The following ATP6V1C2 variants were observed in gnomAD, a reference collection of about 807,000 sequenced individuals.
The protein encoded by ATP6V1C2 is ATPase H+ transporting V1 subunit C2.
Under a neutral mutation model 56.8 loss-of-function variants are expected in ATP6V1C2, and 45 were observed. The observed-to-expected ratio is 0.79, with a 90% CI of 0.62 to 1.02. The LOEUF is 1.02. ATP6V1C2 is among the 50% of genes least tolerant of loss of function. ATP6V1C2 has a pLI of 0.00. For missense variants in ATP6V1C2, 463 were observed against 519.7 expected, an observed-to-expected ratio of 0.89 and a Z score of 1.06; for synonymous variants, 220 against 201.3, an observed-to-expected ratio of 1.09 and a Z score of -0.79.
chr2:10,744,674 T>TC (rs1276577367), intron 3 of ATP6V1C2, among the ~76,000 whole-genome samples: 4 of 137,070 alleles, frequency 2.9e-5, no homozygotes, highest in African/African-American at 5.2e-5. Context: ...TTTTTCTTTT[T>TC]TTTTTTTTTT....
chr2:10,733,774 C>T (rs956087444), intron 3 of ATP6V1C2, among the ~76,000 whole-genome samples: 12 of 152,226 alleles, frequency 7.9e-5, no homozygotes, highest in African/African-American at 2.9e-4. Flanking sequence ...GCAGGACCTT[C>T]TGGGTGCTGT....
intron 6 of ATP6V1C2, among the ~76,000 whole-genome samples, chr2:10,770,840 G>A (rs148844140): frequency 6.6e-5 from 10 of 152,306 alleles, no homozygotes; most frequent in African/African-American, 2.4e-4. Context: ...GTGCCCTCAG[G>A]CCCGATGCTA....
At chr2:10,750,755 A>T (rs73914829) in intron 3 of ATP6V1C2, among the ~76,000 whole-genome samples, 1 of 152,026 alleles carries the variant, frequency 6.6e-6, no homozygotes, top group Admixed American at 6.5e-5. Context: ...TCAAAATATT[A>T]TAGGGGATGT....
intron 3 of ATP6V1C2, among the ~76,000 whole-genome samples, chr2:10,733,665 A>T (rs1295354484): frequency 2.7e-5 from 4 of 150,672 alleles, no homozygotes; most frequent in Admixed American, 6.6e-5. Context: ...TCCCTGTTTT[A>T]AAAAAAAAGT....
intron 10 of ATP6V1C2, 29 bp downstream of exon 10, chr2:10,775,100 G>A (rs554823231): frequency 1.7e-5 from 26 of 1,568,718 alleles, no homozygotes; most frequent in South Asian, 1.2e-4. Context: ...AGCTCCTCCC[G>A]CCCCTACCCG....
chr2:10,755,531 C>T (rs1367134992), intron 4 of ATP6V1C2, among the ~76,000 whole-genome samples: 1 of 152,142 alleles, frequency 6.6e-6, no homozygotes, highest in African/African-American at 2.4e-5. Context: ...AAGTTGTTCC[C>T]CTTCATAAAT....
chr2:10,748,857 C>T lies in ATP6V1C2; in HGVS notation c.198-5124C>T, dbSNP rs529913905. On this transcript the variant is annotated intron_variant, in intron 3 of 13. Transcript: ENST00000272238. ...AAGAATGGAGTCTTCTGGCTGGACA[C>T]GGTGGCACATGCCTGTAATCCCAGC... 1.2e-3 allele frequency among the ~76,000 whole-genome samples: 180 copies of T among 152,134 alleles called. 1 individual carries two copies. The highest frequency in any genetic ancestry group is 4.3e-3 in the African/African-American group (177 of 41,498).
At chr2:10,759,607 G>A (rs1663776906) in intron 4 of ATP6V1C2, among the ~76,000 whole-genome samples, 1 of 152,154 alleles carries the variant, frequency 6.6e-6, no homozygotes. Context: ...CCAGGCTTTA[G>A]TGACTGCACC....
Position 10,754,001 on chromosome 2 carries a change from A to G in ATP6V1C2, c.218A>G (p.Gln73Arg). 1.2e-6 allele frequency: 2 copies of G among 1,607,392 alleles called. No homozygotes were observed. The highest frequency in any genetic ancestry group is 8.5e-7 in the Non-Finnish European group (1 of 1,176,266). Residue 73 changes from glutamine to arginine, a missense_variant, in exon 4 of 14, where the codon CAG becomes CGG. Coordinates refer to ENST00000272238, the MANE Select transcript of ATP6V1C2 (RefSeq NM_001039362.2). ...CAAAGCCTCATAAGGAGAATGGCTC[A>G]GAGCGTGGTGGAAGTCATGGAGGAC... ...FAESLIRRMA[Q>R]SVVEVMEDSK...
chr2:10,783,392 TAGTG>T lies in ATP6V1C2; in HGVS notation c.*131_*134del. 1.8e-6 allele frequency: 1 copy of T among 567,092 alleles called. No homozygotes were observed. The highest frequency in any genetic ancestry group is 2.6e-5 in the South Asian group (1 of 38,586). 35.1% of individuals were successfully genotyped at this position (567,092 alleles called of 1,614,324 possible). A position where few individuals can be genotyped will look rare whatever the true frequency, so the allele number is the denominator to read the frequency against. ...TTTCAGAGAAATTGCTCACAAAAGT[TAGTG>T]ACAGTTGTATTTATTTTTTTAAGTT... On this transcript the variant is annotated 3_prime_UTR_variant, in exon 14 of 14. Coordinates refer to ENST00000272238, the MANE Select transcript of ATP6V1C2 (RefSeq NM_001039362.2).
At chr2:10,758,265 T>C (rs1663669363) in intron 4 of ATP6V1C2, among the ~76,000 whole-genome samples, 1 of 152,256 alleles carries the variant, frequency 6.6e-6, no homozygotes, top group African/African-American at 2.4e-5. Flanking sequence ...GCTTATGTTT[T>C]ACGCAAAATT....
rs60355432 is a variant in ATP6V1C2, at chr2:10,730,607, G to GTT, written c.197+4055_197+4056dup. ...CCAAGTAGTTTGCTGTTCACAGTGG[G>GTT]TTTTTTTTTTTTTTTTTTGAAATGA... On this transcript the variant is annotated intron_variant, in intron 3 of 13. Coordinates refer to ENST00000272238, the MANE Select transcript of ATP6V1C2 (RefSeq NM_001039362.2). Among the ~76,000 whole-genome samples the GTT allele has an allele frequency of 2.3e-3, 272 of 118,682 alleles. 2 individuals are homozygous for GTT. Among genetic ancestry groups the GTT allele is most frequent in the Non-Finnish European group, 3.6e-3 (212 of 58,808 alleles). 77.9% of individuals were successfully genotyped at this position (118,682 alleles called of 152,430 possible). A position where few individuals can be genotyped will look rare whatever the true frequency, so the allele number is the denominator to read the frequency against.
At position 10,764,796 on chromosome 2, in the gene ATP6V1C2, C is replaced by G. The variant is rs945927882; in HGVS notation, c.378+371C>G. ...ACCAGTCTGTCCAATATGGTGAAAC[C>G]CTGTCTCTACTAAAAAATACAAAAA... is the stretch of plus-strand genomic sequence containing the variant. On this transcript the variant is annotated intron_variant, in intron 5 of 13. Coordinates refer to ENST00000272238, the MANE Select transcript of ATP6V1C2 (RefSeq NM_001039362.2). 2.6e-5 allele frequency among the ~76,000 whole-genome samples: 4 copies of G among 152,170 alleles called. No homozygotes were observed. The East Asian group carries it at 5.8e-4, about 22-fold the overall frequency.
At chr2:10,732,937 T>C (rs951099660) in intron 3 of ATP6V1C2, among the ~76,000 whole-genome samples, 4 of 148,988 alleles carry the variant, frequency 2.7e-5, no homozygotes, top group East Asian at 2.0e-4. Flanking sequence ...TGCCGCTGCA[T>C]TCCAGCCTGA....
At chr2:10,747,606 T>C (rs917878176) in intron 3 of ATP6V1C2, among the ~76,000 whole-genome samples, 2 of 152,132 alleles carry the variant, frequency 1.3e-5, no homozygotes, top group Non-Finnish European at 2.9e-5. Flanking sequence ...ATTTCTGTAG[T>C]CTCAGCTACT....
intron 3 of ATP6V1C2, among the ~76,000 whole-genome samples, chr2:10,738,876 C>T (rs921941805): frequency 1.3e-5 from 2 of 152,200 alleles, no homozygotes; most frequent in African/African-American, 2.4e-5. Flanking sequence ...CCAGTAAGGA[C>T]GGAGTCCTGT....
chr2:10,776,229 A>G (rs868142127), intron 10 of ATP6V1C2, among the ~76,000 whole-genome samples: 15 of 151,792 alleles, frequency 9.9e-5, no homozygotes, highest in Non-Finnish European at 2.9e-5. Flanking sequence ...GGGGTTTTTC[A>G]CCCTCCTCCT....
At chr2:10,752,212 A>G (rs532970260) in intron 3 of ATP6V1C2, among the ~76,000 whole-genome samples, 4 of 152,228 alleles carry the variant, frequency 2.6e-5, no homozygotes, top group East Asian at 1.9e-4. Context: ...TTATACTTGT[A>G]TTTTTCCATT....
At position 10,764,377 on chromosome 2, in the gene ATP6V1C2, A is replaced by G; in HGVS notation, c.330A>G (p.Lys110=). 1 of 1,614,138 alleles carries G rather than the reference A, an allele frequency of 6.2e-7. No homozygotes were observed. Among genetic ancestry groups the G allele is most frequent in the Non-Finnish European group, 8.5e-7 (1 of 1,179,982 alleles). Residue 110 remains lysine (K), a synonymous_variant, in exon 5 of 14, where the codon AAA becomes AAG. Coordinates refer to ENST00000272238, the MANE Select transcript of ATP6V1C2 (RefSeq NM_001039362.2). ...CCCACTTTGAATGGGACATGGCCAA[A>G]TATCCTGTCAAGCAGCCGCTCGTGA... is the stretch of plus-strand genomic sequence containing the variant. ...FVTHFEWDMA[K]YPVKQPLVSV... is the part of the protein sequence containing the mutation.
Sources: gnomAD v4.1 joint callset for allele counts (sites outside exome capture counted in the v4.1 genomes callset) on GRCh38, gnomAD v4.1.1 for gene constraint, MANE v1.5 for transcripts, NCBI Gene and HGNC (gene_info 2026-07-23, HGNC 2026-07-21) for gene names.